The following GAREM1 variants were observed in gnomAD, a reference collection of about 807,000 sequenced individuals.
The protein encoded by GAREM1 is GRB2 associated regulator of MAPK1 subtype 1.
In GAREM1, 26 loss-of-function variants were observed where a neutral mutation model predicts 71.3. The ratio of observed to expected loss-of-function variants is 0.36; its 90% confidence interval spans 0.27 to 0.51. GAREM1 has a LOEUF of 0.51. Among genes scored for constraint, GAREM1 ranks in the 20% least tolerant of loss-of-function variants. The pLI, the probability that GAREM1 is intolerant of heterozygous loss-of-function variation, is 0.95. For synonymous variants in GAREM1, 440 were observed against 433.2 expected (o/e 1.02, Z -0.20); for missense variants, 1,026 against 1,103.1 (o/e 0.93, Z 0.99).
intron 4 of GAREM1, 41 bp downstream of exon 4, chr18:32,286,990 C>G: frequency 7.2e-7 from 1 of 1,397,104 alleles, no homozygotes. Context: ...AGCAGAGAGA[C>G]AGAAAGACTG....
At chr18:32,394,547 A>C (rs1567993463) in intron 1 of GAREM1, among the ~76,000 whole-genome samples, 1 of 152,200 alleles carries the variant, frequency 6.6e-6, no homozygotes, top group Non-Finnish European at 1.5e-5. Context: ...CATTAGCAGA[A>C]GGGGGAGAAT....
intron 2 of GAREM1, among the ~76,000 whole-genome samples, chr18:32,358,645 G>C (rs73956901): frequency 2.6e-5 from 4 of 152,026 alleles, no homozygotes; most frequent in Non-Finnish European, 5.9e-5. Flanking sequence ...AGAAGCCACC[G>C]TAACAACTTT....
At chr18:32,346,823 A>G (rs1218043738) in intron 2 of GAREM1, among the ~76,000 whole-genome samples, 8 of 152,190 alleles carry the variant, frequency 5.3e-5, no homozygotes, top group Non-Finnish European at 8.8e-5. Context: ...TACAAAGTAG[A>G]GTTGAACTGC....
chr18:32,347,129 A>G, intron 2 of GAREM1, among the ~76,000 whole-genome samples: 1 of 152,190 alleles, frequency 6.6e-6, no homozygotes, highest in African/African-American at 2.4e-5. Flanking sequence ...ACAAAAAAGG[A>G]AGTGACTTTT....
At chr18:32,292,644 C>T (rs2047098693) in intron 3 of GAREM1, among the ~76,000 whole-genome samples, 1 of 152,132 alleles carries the variant, frequency 6.6e-6, no homozygotes, top group Admixed American at 6.5e-5. Context: ...AAGGGGCTTC[C>T]CACATTGCTG....
intron 1 of GAREM1, among the ~76,000 whole-genome samples, chr18:32,397,736 A>G (rs920295703): frequency 1.3e-5 from 2 of 152,210 alleles, no homozygotes; most frequent in Non-Finnish European, 2.9e-5. Flanking sequence ...TCAACATTAG[A>G]CAGATAGAGA....
At chr18:32,359,111 C>A (rs904703457) in intron 2 of GAREM1, among the ~76,000 whole-genome samples, 3 of 152,162 alleles carry the variant, frequency 2.0e-5, no homozygotes, top group African/African-American at 7.2e-5. Flanking sequence ...AAGCAAAAAA[C>A]TATGCTGCCT....
chr18:32,276,957 T>C (rs913820990), intron 4 of GAREM1, among the ~76,000 whole-genome samples: 2 of 152,112 alleles, frequency 1.3e-5, no homozygotes, highest in Non-Finnish European at 1.5e-5. Flanking sequence ...CTGAATGGCG[T>C]CAAGGAAGCC....
chr18:32,409,746 G>A (rs1375745837), intron 1 of GAREM1, among the ~76,000 whole-genome samples: 3 of 152,018 alleles, frequency 2.0e-5, no homozygotes, highest in Admixed American at 6.6e-5. Flanking sequence ...AATACTGCAC[G>A]GTAACTAATA....
At chr18:32,463,485 C>T (rs1437244206) in intron 1 of GAREM1, among the ~76,000 whole-genome samples, 1 of 151,828 alleles carries the variant, frequency 6.6e-6, no homozygotes, top group Non-Finnish European at 1.5e-5. Flanking sequence ...TTAGGCACAG[C>T]CAATAGTCAG....
Position 32,349,355 on chromosome 18 carries a change from T to C in GAREM1, c.263-39032A>G, listed in dbSNP as rs574931827. ...AATCATAGCCATCTCTCTAAATAAGTTTCAAAAACCGTCTGGATTTTCTAA... is the reference window on the plus strand; with the variant it reads ...AATCATAGCCATCTCTCTAAATAAGCTTCAAAAACCGTCTGGATTTTCTAA... On this transcript the variant is annotated intron_variant, in intron 2 of 5. Coordinates refer to ENST00000269209, the MANE Select transcript of GAREM1 (RefSeq NM_001242409.2). 3.1e-3 allele frequency among the ~76,000 whole-genome samples: 471 copies of C among 152,282 alleles called. 4 individuals carry two copies. Among genetic ancestry groups the C allele is most frequent in the Non-Finnish European group, 5.5e-3 (377 of 68,024 alleles).
At chr18:32,297,915 T>C (rs2047159368) in intron 3 of GAREM1, among the ~76,000 whole-genome samples, 1 of 152,210 alleles carries the variant, frequency 6.6e-6, no homozygotes, top group African/African-American at 2.4e-5. Context: ...TTACTATATT[T>C]TTCCTAATTT....
At chr18:32,270,175 T>C (rs371627599) in intron 5 of GAREM1, 42 bp downstream of exon 5, 1 of 1,600,200 alleles carries the variant, frequency 6.2e-7, no homozygotes, top group Non-Finnish European at 8.6e-7. Flanking sequence ...AACTGGTGGA[T>C]GAGAAGATAA....
chr18:32,294,511 T>G (rs973552953), intron 3 of GAREM1, among the ~76,000 whole-genome samples: 1 of 152,228 alleles, frequency 6.6e-6, no homozygotes, highest in Non-Finnish European at 1.5e-5. Flanking sequence ...ATGATAACTT[T>G]ATTGTAGTAC....
intron 4 of GAREM1, among the ~76,000 whole-genome samples, chr18:32,282,480 T>C (rs2046964659): frequency 6.6e-6 from 1 of 152,152 alleles, no homozygotes; most frequent in South Asian, 2.1e-4. Flanking sequence ...GGTCCCCAGA[T>C]AGGACACTGC....
chr18:32,313,894 A>G (rs1567960725), intron 2 of GAREM1, among the ~76,000 whole-genome samples: 2 of 152,122 alleles, frequency 1.3e-5, no homozygotes, highest in Admixed American at 6.5e-5. Context: ...CTTTAAGGAT[A>G]TAGAGGTTTT....
chr18:32,356,604 T>C (rs2047808467), intron 2 of GAREM1, among the ~76,000 whole-genome samples: 1 of 152,172 alleles, frequency 6.6e-6, no homozygotes, highest in African/African-American at 2.4e-5. Context: ...GAAAACTTAT[T>C]AGATGTCAGA....
At chr18:32,397,491 G>A (rs899090135) in intron 1 of GAREM1, among the ~76,000 whole-genome samples, 22 of 152,208 alleles carry the variant, frequency 1.4e-4, no homozygotes, top group Admixed American at 1.0e-3. Context: ...AAAAAAGGCA[G>A]GGGTTGCAAT....
chr18:32,418,930 T>A (rs907493797), intron 1 of GAREM1, among the ~76,000 whole-genome samples: 4 of 152,212 alleles, frequency 2.6e-5, no homozygotes, highest in African/African-American at 7.2e-5. Context: ...TTAAATATAG[T>A]CAGACGTCTA....
Sources: allele counts gnomAD v4.1 joint callset (sites outside exome capture counted in the v4.1 genomes callset), GRCh38; gene constraint gnomAD v4.1.1; transcripts MANE v1.5; gene names NCBI Gene and HGNC (gene_info 2026-07-23, HGNC 2026-07-21).